Variants in TMEM200A observed in about 807,000 individuals in gnomAD.
TMEM200A encodes the protein two transmembrane C.
TMEM200A carries 12 observed loss-of-function variants against 24.3 expected under a neutral mutation model. That is an observed-to-expected ratio of 0.49 (90% confidence interval 0.32 to 0.80). TMEM200A has a LOEUF of 0.80. TMEM200A is among the 30% of genes least tolerant of loss of function. TMEM200A has a pLI of 0.04. For missense variants in TMEM200A, 545 were observed against 614.4 expected, an observed-to-expected ratio of 0.89 and a Z score of 1.19; for synonymous variants, 224 against 224.4, an observed-to-expected ratio of 1.00 and a Z score of 0.02.
At chr6:130,382,121 C>T in intron 1 of TMEM200A, 1 of 277,482 alleles carries the variant, frequency 3.6e-6, no homozygotes. Flanking sequence ...TAGAGCATTA[C>T]TACCTAAGAG....
intron 2 of TMEM200A, among the ~76,000 whole-genome samples, chr6:130,388,336 TACA>T (rs1462504136): frequency 6.6e-6 from 1 of 152,174 alleles, no homozygotes; most frequent in African/African-American, 2.4e-5. Context: ...GAAAATAAAC[TACA>T]ACATTAGGAT....
rs1308770025 is a variant in TMEM200A at position 130,366,375 on chromosome 6, G to A, written c.-230G>A. 8 of 984,950 alleles carry A rather than the reference G, an allele frequency of 8.1e-6. No homozygotes were observed. Among genetic ancestry groups the A allele is most frequent in the Non-Finnish European group, 9.6e-6 (8 of 829,956 alleles). 61.0% of individuals were successfully genotyped at this position (984,950 alleles called of 1,614,324 possible). On this transcript the variant is annotated 5_prime_UTR_variant, in exon 1 of 3. Coordinates refer to ENST00000296978, the MANE Select transcript of TMEM200A (RefSeq NM_001258277.2). This position sits in a 1 kb window ranked among gnomAD's most constrained non-coding sequence, Gnocchi z 4.4. ...GGGGAGGGAGACCGCGGCTGCCCGC[G>A]GCGGCCGAGATTCCCGCTGACGCCC...
rs79097063 is a variant in TMEM200A, at chr6:130,440,710, A to T, written c.288A>T (p.Thr96=). 11,582 of 1,614,094 alleles carry T rather than the reference A, an allele frequency of 7.2e-3. 56 individuals are homozygous for T. The highest frequency in any genetic ancestry group is 8.8e-3 in the Non-Finnish European group (10,338 of 1,179,978). The change falls in exon 3 of 3, where the codon ACA becomes ACT. Residue 96 remains threonine, a synonymous_variant. Transcript: ENST00000296978. ...AACATTTTATTGATGCTGAAACAAC[A>T]CTGTCAACAAATGAAACTCAGGTCA... ...QKEHFIDAET[T]LSTNETQVIR...
At chr6:130,414,327 G>T (rs554141080) in intron 2 of TMEM200A, among the ~76,000 whole-genome samples, 1 of 151,646 alleles carries the variant, frequency 6.6e-6, no homozygotes, top group East Asian at 1.9e-4. Flanking sequence ...AGCTACTAGG[G>T]AGGCCGAGGC....
intron 2 of TMEM200A, among the ~76,000 whole-genome samples, chr6:130,434,582 A>G (rs534555024): frequency 1.9e-4 from 29 of 152,320 alleles, no homozygotes; most frequent in African/African-American, 5.5e-4. Context: ...AGAAGCAAAT[A>G]CCAGAATGTG....
In TMEM200A at chr6:130,442,349, G is replaced by A. The variant is rs1340319049; in HGVS notation, c.*451G>A. 1 of 166,670 alleles carries A rather than the reference G, an allele frequency of 6.0e-6. No individual in the cohort carries two copies. Among genetic ancestry groups the A allele is most frequent in the Admixed American group, 6.5e-5 (1 of 15,314 alleles). 10.3% of individuals were successfully genotyped at this position (166,670 alleles called of 1,614,324 possible). A position where few individuals can be genotyped will look rare whatever the true frequency, so the allele number is the denominator to read the frequency against. ...TTAGGATGTGATTTTCTGAATAATT[G>A]TTCTTTGTAGGATTTGGTTACATTA... On this transcript the variant is annotated 3_prime_UTR_variant, in exon 3 of 3. Coordinates refer to ENST00000296978, the MANE Select transcript of TMEM200A (RefSeq NM_001258277.2).
intron 1 of TMEM200A, among the ~76,000 whole-genome samples, chr6:130,369,392 G>A (rs1778261315): frequency 6.6e-6 from 1 of 152,206 alleles, no homozygotes; most frequent in African/African-American, 2.4e-5. Context: ...GTAAACAGGA[G>A]AGAGACATAA....
chr6:130,383,141 A>C, intron 1 of TMEM200A: 2 of 829,358 alleles, frequency 2.4e-6, no homozygotes, highest in Non-Finnish European at 2.9e-6. Flanking sequence ...CATGGGATTC[A>C]TTAGTTGTCC....
At chr6:130,403,652 T>C (rs1297271502) in intron 2 of TMEM200A, among the ~76,000 whole-genome samples, 1 of 152,082 alleles carries the variant, frequency 6.6e-6, no homozygotes, top group Non-Finnish European at 1.5e-5. Flanking sequence ...TATTTTTTTT[T>C]CAACATGACT....
intron 2 of TMEM200A, among the ~76,000 whole-genome samples, chr6:130,424,925 CCT>C (rs1454184643): frequency 1.4e-4 from 21 of 152,106 alleles, no homozygotes; most frequent in African/African-American, 5.1e-4. Context: ...TTCCTCTCTG[CCT>C]CTCTGCTTTT....
chr6:130,391,740 T>C (rs1444152221), intron 2 of TMEM200A, among the ~76,000 whole-genome samples: 29 of 81,802 alleles, frequency 3.5e-4, no homozygotes, highest in African/African-American at 1.8e-3. Context: ...CCTTTTTTTT[T>C]TTTTTTTTTT....
intron 2 of TMEM200A, among the ~76,000 whole-genome samples, chr6:130,401,620 A>G (rs969929946): frequency 6.6e-6 from 1 of 151,718 alleles, no homozygotes; most frequent in Admixed American, 6.6e-5. Flanking sequence ...AATTTTGTAT[A>G]TTTAATGCCT....
intron 2 of TMEM200A, among the ~76,000 whole-genome samples, chr6:130,404,133 A>G (rs1383033784): frequency 2.6e-5 from 4 of 152,208 alleles, no homozygotes. Context: ...TGCAATGAAC[A>G]TAATACATGT....
chr6:130,419,075 T>G (rs1779521434), intron 2 of TMEM200A, among the ~76,000 whole-genome samples: 2 of 152,152 alleles, frequency 1.3e-5, no homozygotes, highest in Non-Finnish European at 2.9e-5. Flanking sequence ...CCACTCCCCC[T>G]CAGTCTCTTC....
Position 130,441,572 on chromosome 6 carries a change from T to TG in TMEM200A, c.1150_1151insG (p.Ser384CysfsTer38), listed in dbSNP as rs745914159. The stretch of plus-strand genomic sequence containing the variant: ...TGGGGCTGCCAGAAGACAGTTTGGG[T>TG]CCAATACATCCTTGCATTTGCTCTC... On this transcript the variant is annotated frameshift_variant, in exon 3 of 3. Coordinates refer to ENST00000296978, the MANE Select transcript of TMEM200A (RefSeq NM_001258277.2). LOFTEE classifies it high-confidence loss of function. The TG allele has an allele frequency of 3.7e-6, 6 of 1,613,946 alleles. No individual in the cohort carries two copies. The highest frequency in any genetic ancestry group is 5.1e-6 in the Non-Finnish European group (6 of 1,179,964).
At chr6:130,423,429 C>G (rs1420206889) in intron 2 of TMEM200A, among the ~76,000 whole-genome samples, 1 of 152,070 alleles carries the variant, frequency 6.6e-6, no homozygotes, top group East Asian at 1.9e-4. Flanking sequence ...TAAATGATTA[C>G]ATAGAATTCC....
chr6:130,436,662 T>TTTTTTTTTTTTTTTTTTTATA, intron 2 of TMEM200A, among the ~76,000 whole-genome samples: 1 of 128,286 alleles, frequency 7.8e-6, no homozygotes, highest in South Asian at 2.6e-4. Flanking sequence ...TTTTTTTTTT[T>TTTTTTTTTTTTTTTTTTTATA]CAGAGAGACA....
chr6:130,398,247 C>A (rs896837213), intron 2 of TMEM200A, among the ~76,000 whole-genome samples: 3 of 152,054 alleles, frequency 2.0e-5, no homozygotes, highest in Non-Finnish European at 2.9e-5. Flanking sequence ...CTGTGTAGTT[C>A]TCTCAGGTTA....
At chr6:130,438,322 C>T (rs1780068517) in intron 2 of TMEM200A, 1 of 152,146 alleles carries the variant, frequency 6.6e-6, no homozygotes, top group Non-Finnish European at 1.5e-5. Flanking sequence ...CTGTAGATAA[C>T]AACCACAAGC....
Sources: allele counts gnomAD v4.1 joint callset (sites outside exome capture counted in the v4.1 genomes callset), GRCh38; gene constraint gnomAD v4.1.1; non-coding constraint Gnocchi (gnomAD v3.1); transcripts MANE v1.5; gene names NCBI Gene and HGNC (gene_info 2026-07-23, HGNC 2026-07-21).